The following CCSER1 variants were observed in gnomAD, a reference collection of about 807,000 sequenced individuals.
CCSER1 encodes the protein coiled-coil serine rich protein 1.
A neutral mutation model predicts 82.0 loss-of-function variants in CCSER1; 41 were observed. The ratio of observed to expected loss-of-function variants is 0.50; its 90% confidence interval spans 0.39 to 0.65. The LOEUF is 0.65. Ranked by LOEUF, CCSER1 falls within the 30% of genes least tolerant of loss-of-function variation. The pLI is 0.00. For missense variants in CCSER1, 1,119 were observed against 1,064.2 expected, an observed-to-expected ratio of 1.05 and a Z score of -0.72; for synonymous variants, 414 against 383.9, an observed-to-expected ratio of 1.08 and a Z score of -0.92.
intron 10 of CCSER1, among the ~76,000 whole-genome samples, chr4:91,173,223 C>G (rs1286868127): frequency 1.3e-5 from 2 of 152,066 alleles, no homozygotes; most frequent in Non-Finnish European, 2.9e-5. Flanking sequence ...AACAATAGAG[C>G]AAATGTTTGC....
intron 6 of CCSER1, among the ~76,000 whole-genome samples, chr4:90,712,604 T>A (rs977712675): frequency 2.6e-5 from 4 of 152,096 alleles, no homozygotes; most frequent in African/African-American, 9.7e-5. Flanking sequence ...GAGAAGAATG[T>A]ATACACTGTT....
intron 3 of CCSER1, among the ~76,000 whole-genome samples, chr4:90,328,544 T>C (rs1738640748): frequency 6.6e-6 from 1 of 152,224 alleles, no homozygotes; most frequent in Admixed American, 6.5e-5. Flanking sequence ...CTACTCTCAC[T>C]GCTATCACTG....
intron 10 of CCSER1, among the ~76,000 whole-genome samples, chr4:91,421,683 GTTAAT>G (rs1753690945): frequency 6.6e-6 from 1 of 151,862 alleles, no homozygotes; most frequent in African/African-American, 2.4e-5. Flanking sequence ...TGATGAGCAT[GTTAAT>G]TTGATTGTAG....
At chr4:91,565,478 A>G (rs1762845389) in intron 10 of CCSER1, among the ~76,000 whole-genome samples, 4 of 152,052 alleles carry the variant, frequency 2.6e-5, no homozygotes, top group South Asian at 4.1e-4. Context: ...GAATCTGTAA[A>G]TTGATTTAGG....
chr4:91,313,536 G>A (rs1291362291), intron 10 of CCSER1, among the ~76,000 whole-genome samples: 2 of 151,870 alleles, frequency 1.3e-5, no homozygotes, highest in Admixed American at 1.3e-4. Context: ...GTTGATGCCT[G>A]TTTAAAATGT....
intron 6 of CCSER1, among the ~76,000 whole-genome samples, chr4:90,641,291 T>C (rs1560865542): frequency 6.6e-6 from 1 of 152,118 alleles, no homozygotes; most frequent in Non-Finnish European, 1.5e-5. Context: ...AATAGATATG[T>C]ATATAGTAAG....
In CCSER1 at chr4:91,415,568, A is replaced by G. The variant is rs186669775; in HGVS notation, c.2218-183004A>G. On this transcript the variant is annotated intron_variant, in intron 10 of 10. Transcript: ENST00000509176. ...GGGTTTGTCATATATGGCTCTTACT[A>G]TTTTGAGGTATGTTCCTTCAATACC... Among the ~76,000 whole-genome samples, 456 of 152,102 alleles carry G rather than the reference A, an allele frequency of 3.0e-3. 1 individual carries two copies. The highest frequency in any genetic ancestry group is 0.01 in the African/African-American group (429 of 41,530).
At chr4:91,505,226 A>G (rs1024290396) in intron 10 of CCSER1, among the ~76,000 whole-genome samples, 1 of 152,208 alleles carries the variant, frequency 6.6e-6, no homozygotes, top group African/African-American at 2.4e-5. Flanking sequence ...TTTGCTGAGG[A>G]TAACGACTTC....
chr4:90,623,863 T>TA (rs1722812893), intron 5 of CCSER1, among the ~76,000 whole-genome samples: 1 of 152,188 alleles, frequency 6.6e-6, no homozygotes, highest in African/African-American at 2.4e-5. Context: ...TAGTTTCTGT[T>TA]AGGTTCTGGG....
intron 10 of CCSER1, among the ~76,000 whole-genome samples, chr4:91,573,086 C>A (rs1237384819): frequency 1.3e-5 from 2 of 152,160 alleles, no homozygotes; most frequent in Non-Finnish European, 2.9e-5. Context: ...GATTGAGAAC[C>A]CTCTTAAAGT....
At chr4:90,958,169 AAAT>A (rs1733712656) in intron 9 of CCSER1, among the ~76,000 whole-genome samples, 1 of 152,174 alleles carries the variant, frequency 6.6e-6, no homozygotes, top group Non-Finnish European at 1.5e-5. Context: ...TCTGAATTAG[AAAT>A]AATCCTTCTT....
intron 1 of CCSER1, among the ~76,000 whole-genome samples, chr4:90,271,826 T>TTATACATATATATATA (rs1726339663): frequency 7.0e-5 from 3 of 42,872 alleles, no homozygotes; most frequent in Non-Finnish European, 8.5e-5. Context: ...ACTGGACAAT[T>TTATACATATATATATA]TATATATATA....
At chr4:90,687,176 T>A (rs1390076008) in intron 6 of CCSER1, among the ~76,000 whole-genome samples, 3 of 152,184 alleles carry the variant, frequency 2.0e-5, no homozygotes, top group Non-Finnish European at 4.4e-5. Context: ...TCAGAATTAT[T>A]CTCTCAATGT....
chr4:91,087,519 T>C (rs2148819472), intron 10 of CCSER1, among the ~76,000 whole-genome samples: 1 of 152,220 alleles, frequency 6.6e-6, no homozygotes, highest in African/African-American at 2.4e-5. Flanking sequence ...CATGGTAAAA[T>C]GTGTTTAAAT....
intron 8 of CCSER1, among the ~76,000 whole-genome samples, chr4:90,903,239 A>C (rs1724932069): frequency 6.6e-6 from 1 of 152,074 alleles, no homozygotes; most frequent in African/African-American, 2.4e-5. Flanking sequence ...GAGGTCATCA[A>C]AACATGGTGA....
At chr4:90,625,003 C>CT (rs564083338) in intron 5 of CCSER1, among the ~76,000 whole-genome samples, 1 of 152,052 alleles carries the variant, frequency 6.6e-6, no homozygotes, top group South Asian at 2.1e-4. Flanking sequence ...CATACTCTTT[C>CT]TTTTTTTGCC....
At chr4:90,158,667 A>T (rs1382919613) in intron 1 of CCSER1, among the ~76,000 whole-genome samples, 3 of 152,206 alleles carry the variant, frequency 2.0e-5, no homozygotes, top group Admixed American at 2.0e-4. Flanking sequence ...CCGTGGGCGT[A>T]GGACCCTCTG....
intron 5 of CCSER1, among the ~76,000 whole-genome samples, chr4:90,627,687 C>G (rs1300165550): frequency 1.3e-5 from 2 of 151,754 alleles, no homozygotes; most frequent in Non-Finnish European, 2.9e-5. Flanking sequence ...TTTTAAAAAA[C>G]TACTATCATG....
intron 10 of CCSER1, among the ~76,000 whole-genome samples, chr4:91,202,009 C>G (rs1367831961): frequency 6.6e-6 from 1 of 151,916 alleles, no homozygotes; most frequent in Non-Finnish European, 1.5e-5. Context: ...TCATTTGGTT[C>G]ATCAGGACAC....
Sources: allele counts gnomAD v4.1 joint callset (sites outside exome capture counted in the v4.1 genomes callset), GRCh38; gene constraint gnomAD v4.1.1; transcripts MANE v1.5; gene names NCBI Gene and HGNC (gene_info 2026-07-23, HGNC 2026-07-21).